SEMA3A: variants seen among roughly 807,000 people sequenced by gnomAD.
SEMA3A encodes the protein semaphorin 3A, also known as semaphorin-3A.
In SEMA3A, 29 loss-of-function variants were observed where a neutral mutation model predicts 97.9. The ratio of observed to expected loss-of-function variants is 0.30; its 90% CI spans 0.22 to 0.40. The LOEUF is 0.40. SEMA3A is among the 10% of genes least tolerant of loss of function. The pLI is 1.00. For synonymous variants in SEMA3A, 321 were observed against 323.7 expected, an observed-to-expected ratio of 0.99 and a Z score of 0.09; for missense variants, 763 against 951.3, an observed-to-expected ratio of 0.80 and a Z score of 2.60.
In SEMA3A at chr7:84,401,641, G is replaced by C. The variant is rs189243823; in HGVS notation, c.-245-29741C>G. ...AAGCTATAGTAATGAAAACAGCATG[G>C]TACCAGCATAAAAGCAGACACATAG... On this transcript the variant is annotated intron_variant, in intron 1 of 3. Coordinates refer to the SEMA3A transcript ENST00000424555. Among the ~76,000 whole-genome samples the C allele has an allele frequency of 2.7e-3, 410 of 152,192 alleles. 1 individual carries two copies. The highest frequency in any genetic ancestry group is 4.9e-3 in the Non-Finnish European group (333 of 68,000).
chr7:84,443,271 T>C (rs1035616847), intron 1 of SEMA3A, among the ~76,000 whole-genome samples: 2 of 152,088 alleles, frequency 1.3e-5, no homozygotes, highest in Non-Finnish European at 2.9e-5. Context: ...TCACACAAAG[T>C]ACAAGGGAAC....
At chr7:84,065,382 A>T (rs1238231038) in intron 4 of SEMA3A, among the ~76,000 whole-genome samples, 1 of 146,280 alleles carries the variant, frequency 6.8e-6, no homozygotes, top group East Asian at 2.0e-4. Context: ...GAGCAAACAC[A>T]TTCAAAAGCT....
chr7:84,094,766 T>C (rs374430734), intron 4 of SEMA3A, among the ~76,000 whole-genome samples: 1 of 152,142 alleles, frequency 6.6e-6, no homozygotes, highest in Non-Finnish European at 1.5e-5. Context: ...AATTTATTAA[T>C]TGCCCGTTGA....
At chr7:84,051,084 C>G (rs1010333738) in intron 5 of SEMA3A, among the ~76,000 whole-genome samples, 26 of 151,156 alleles carry the variant, frequency 1.7e-4, no homozygotes, top group African/African-American at 2.4e-4. Context: ...TGTTTTGGTA[C>G]CAGTACCATG....
chr7:84,110,431 G>T, intron 4 of SEMA3A, 39 bp downstream of exon 4: 1 of 1,608,362 alleles, frequency 6.2e-7, no homozygotes, highest in South Asian at 1.1e-5. Context: ...AATAGAAAGG[G>T]GTCATGGACA....
intron 1 of SEMA3A, among the ~76,000 whole-genome samples, chr7:84,443,968 C>T (rs1466349648): frequency 1.4e-5 from 2 of 145,026 alleles, no homozygotes; most frequent in African/African-American, 5.0e-5. Context: ...CTCCCTTCAA[C>T]CTCCACCTCC....
At chr7:84,195,024 A>AGAGAGAAAGAG (rs1798179833), upstream of SEMA3A, 1 of 140,566 alleles carries the variant, frequency 7.1e-6, no homozygotes, top group Non-Finnish European at 1.5e-5. Context: ...GAGAGAGAGA[A>AGAGAGAAAGAG]AGAGAGAGAG....
chr7:84,070,503 C>T (rs971003293), intron 4 of SEMA3A, among the ~76,000 whole-genome samples: 2 of 151,598 alleles, frequency 1.3e-5, no homozygotes, highest in Non-Finnish European at 2.9e-5. Context: ...ATGATTAAAA[C>T]GTAAATGATG....
At chr7:84,306,865 T>C (rs1221390747) in intron 3 of SEMA3A, among the ~76,000 whole-genome samples, 1 of 152,070 alleles carries the variant, frequency 6.6e-6, no homozygotes, top group African/African-American at 2.4e-5. Context: ...TGGATAGCAA[T>C]ATGCTCACAT....
chr7:84,358,811 G>A (rs1391926438), intron 2 of SEMA3A, among the ~76,000 whole-genome samples: 6 of 152,060 alleles, frequency 3.9e-5, no homozygotes, highest in East Asian at 1.9e-4. Flanking sequence ...CTTTTATTTT[G>A]TTGAACAGTG....
chr7:84,453,072 AG>A (rs1398324050), intron 1 of SEMA3A, among the ~76,000 whole-genome samples: 4 of 152,226 alleles, frequency 2.6e-5, no homozygotes, highest in Admixed American at 6.5e-5. Flanking sequence ...AAAACCTTCC[AG>A]TGTTTTGTCT....
chr7:84,155,256 C>T (rs1395842780), intron 1 of SEMA3A, among the ~76,000 whole-genome samples: 2 of 152,136 alleles, frequency 1.3e-5, no homozygotes, highest in Non-Finnish European at 2.9e-5. Flanking sequence ...TCCAGGACCA[C>T]ATAAAATAGT....
At chr7:84,006,093 T>G (rs1026363987) in intron 10 of SEMA3A, among the ~76,000 whole-genome samples, 9 of 152,122 alleles carry the variant, frequency 5.9e-5, no homozygotes, top group African/African-American at 2.2e-4. Flanking sequence ...CTGGAGAAGT[T>G]TGGTGCCTCT....
chr7:84,406,434 G>A (rs1448544046), intron 1 of SEMA3A, among the ~76,000 whole-genome samples: 1 of 152,120 alleles, frequency 6.6e-6, no homozygotes, highest in Non-Finnish European at 1.5e-5. Flanking sequence ...AAAAGTCCAG[G>A]ACAAGATGGA....
chr7:84,027,004 T>C (rs1353091714), intron 6 of SEMA3A, among the ~76,000 whole-genome samples: 1 of 151,618 alleles, frequency 6.6e-6, no homozygotes, highest in Non-Finnish European at 1.5e-5. Flanking sequence ...AAAATAAAAG[T>C]TAAAAAAAAA....
chr7:84,443,606 TG>T (rs1250859601), intron 1 of SEMA3A, among the ~76,000 whole-genome samples: 8 of 152,292 alleles, frequency 5.3e-5, no homozygotes, highest in South Asian at 4.1e-4. Context: ...TGCTCTTCTT[TG>T]TTAAGAGGAA....
Position 84,073,415 on chromosome 7 carries a change from A to G in SEMA3A, c.454-12857T>C, listed in dbSNP as rs927492824. Among the ~76,000 whole-genome samples the G allele has an allele frequency of 2.6e-4, 39 of 152,276 alleles. 1 individual carries two copies. The highest frequency in any genetic ancestry group is 3.4e-3 in the Middle Eastern group (1 of 294). On this transcript the variant is annotated intron_variant, in intron 4 of 16. Coordinates refer to ENST00000265362, the MANE Select transcript of SEMA3A (RefSeq NM_006080.3). ...TTTCCAAAGAAAATAAATATGATTC[A>G]TACTTGAAGAATAACATAAAGTTGA...
Position 84,481,184 on chromosome 7 carries a change from G to C in SEMA3A, c.-246+11276C>G, listed in dbSNP as rs1806434912. ...TAAGTAAAGAAAGATACAACTTAAT[G>C]GTGGGGTTGACCATTGAAAAGATAC... On this transcript the variant is annotated intron_variant, in intron 1 of 3. Coordinates refer to the SEMA3A transcript ENST00000424555. Among the ~76,000 whole-genome samples, 5 of 152,266 alleles carry C rather than the reference G, an allele frequency of 3.3e-5. No individual in the cohort carries two copies. In the South Asian group the frequency reaches 1.0e-3, roughly 32 times the overall value.
At position 83,969,000 on chromosome 7, in the gene SEMA3A, AG is replaced by A. The variant is rs560102839; in HGVS notation, c.1718-5654del. 1.1e-4 allele frequency among the ~76,000 whole-genome samples: 17 copies of A among 151,838 alleles called. No individual in the cohort carries two copies. The South Asian group carries it at 3.1e-3, about 28-fold the overall frequency. On this transcript the variant is annotated intron_variant, in intron 15 of 16. Transcript: ENST00000265362. ...TAATTTTTATATTTTTAGTAGAGAT[AG>A]GGTTTTACCATGTTGGCCAGGCTTG...
Sources: allele counts gnomAD v4.1 joint callset (sites outside exome capture counted in the v4.1 genomes callset), GRCh38; gene constraint gnomAD v4.1.1; transcripts MANE v1.5; gene names NCBI Gene and HGNC (gene_info 2026-07-23, HGNC 2026-07-21).